Variants in FOXK2 observed in about 807,000 individuals in gnomAD.
FOXK2 encodes forkhead box protein K2.
Under a neutral mutation model 53.3 loss-of-function variants are expected in FOXK2, and 24 were observed. The observed-to-expected ratio is 0.45, with a 90% confidence interval of 0.33 to 0.63. The LOEUF (loss-of-function observed/expected upper bound fraction) is 0.63. Among genes scored for constraint, FOXK2 ranks in the 30% least tolerant of loss-of-function variants. FOXK2 has a pLI of 0.03. For missense variants in FOXK2, 952 were observed against 910.5 expected (o/e 1.05, Z -0.59); for synonymous variants, 505 against 407.1 (o/e 1.24, Z -2.89).
chr17:82,523,694 C>G (rs1009887736), intron 1 of FOXK2, among the ~76,000 whole-genome samples: 1 of 151,964 alleles, frequency 6.6e-6, no homozygotes, highest in African/African-American at 2.4e-5. Flanking sequence ...TCAGGCTGGT[C>G]TTGAACTCCT....
At chr17:82,567,777 GCCTCC>G (rs2044867893) in intron 2 of FOXK2, among the ~76,000 whole-genome samples, 1 of 148,632 alleles carries the variant, frequency 6.7e-6, no homozygotes, top group Non-Finnish European at 1.5e-5. Context: ...GTGGGCCACT[GCCTCC>G]CCTGAGAGCT....
chr17:82,539,552 G>A (rs919566331), intron 1 of FOXK2, among the ~76,000 whole-genome samples: 1 of 152,152 alleles, frequency 6.6e-6, no homozygotes, highest in Non-Finnish European at 1.5e-5. Context: ...TGGAGGCTGA[G>A]GTGGGAGGAT....
At chr17:82,525,608 C>T (rs1034562087) in intron 1 of FOXK2, among the ~76,000 whole-genome samples, 1 of 152,136 alleles carries the variant, frequency 6.6e-6, no homozygotes, top group African/African-American at 2.4e-5. Context: ...TGGTAACAAA[C>T]TAAGTATAAT....
intron 2 of FOXK2, among the ~76,000 whole-genome samples, chr17:82,565,360 A>G (rs1017711074): frequency 6.6e-6 from 1 of 152,194 alleles, no homozygotes; most frequent in Non-Finnish European, 1.5e-5. Context: ...TCAAAAGACA[A>G]CATCAGTAGT....
intron 1 of FOXK2, among the ~76,000 whole-genome samples, chr17:82,525,193 G>A (rs2044404822): frequency 6.6e-6 from 1 of 151,364 alleles, no homozygotes; most frequent in Non-Finnish European, 1.5e-5. Context: ...TTTTTGAGAT[G>A]GAATCTTGCT....
intron 8 of FOXK2, among the ~76,000 whole-genome samples, chr17:82,588,569 G>T (rs1455194606): frequency 6.6e-6 from 1 of 152,072 alleles, no homozygotes; most frequent in Non-Finnish European, 1.5e-5. Flanking sequence ...TCCCAGATTC[G>T]ATATGTGTCA....
chr17:82,519,788 C>T lies in FOXK2; in HGVS notation c.-101C>T, dbSNP rs966165630. ...CGGCGGCCTCCGCTCGGCCCCCTCC[C>T]TCAGCTCCGGTGCGCGGCGGCCGAC... On this transcript the variant is annotated 5_prime_UTR_variant, in exon 1 of 9. Coordinates refer to ENST00000335255, the MANE Select transcript of FOXK2 (RefSeq NM_004514.4). 2.8e-6 allele frequency: 1 copy of T among 356,886 alleles called. No homozygotes were observed. The highest frequency in any genetic ancestry group is 2.2e-5 in the African/African-American group (1 of 44,702). 22.1% of individuals were successfully genotyped at this position (356,886 alleles called of 1,614,324 possible). A position where few individuals can be genotyped will look rare whatever the true frequency, so the allele number is the denominator to read the frequency against.
intron 4 of FOXK2, among the ~76,000 whole-genome samples, chr17:82,572,397 G>A (rs1199383123): frequency 6.6e-6 from 1 of 152,156 alleles, no homozygotes; most frequent in Non-Finnish European, 1.5e-5. Flanking sequence ...TCTCAGCCGG[G>A]GAGCCCACCT....
rs1200515743 is a variant in FOXK2 at position 82,601,912 on chromosome 17, TTAGAG to T, written c.*416_*420del. On this transcript the variant is annotated 3_prime_UTR_variant, in exon 9 of 9. Coordinates refer to ENST00000335255, the MANE Select transcript of FOXK2 (RefSeq NM_004514.4). Reference sequence around the variant, plus strand: ...CACCAGGCAGCGGAGACATGTGGAATTAGAGTATTTTGAGGTGTCCTTTCTTTACA... The same window carrying T: ...CACCAGGCAGCGGAGACATGTGGAATTATTTTGAGGTGTCCTTTCTTTACA... 7.1e-5 allele frequency: 12 copies of T among 168,268 alleles called. No individual in the cohort carries two copies. The highest frequency in any genetic ancestry group is 5.2e-4 in the Admixed American group (9 of 17,180). The allele number at this position is 168,268 out of a possible 1,614,324, so 10.4% of individuals were successfully genotyped here. A position where few individuals can be genotyped will look rare whatever the true frequency, so the allele number is the denominator to read the frequency against.
intron 4 of FOXK2, among the ~76,000 whole-genome samples, 176 bp from the exon 5 acceptor site, chr17:82,582,565 A>G (rs955003094): frequency 1.3e-5 from 2 of 152,084 alleles, no homozygotes; most frequent in Non-Finnish European, 2.9e-5. Flanking sequence ...CCTTCCTTAA[A>G]TCTTGTTATG....
At chr17:82,525,298 T>A (rs1378900404) in intron 1 of FOXK2, among the ~76,000 whole-genome samples, 1 of 152,176 alleles carries the variant, frequency 6.6e-6, no homozygotes, top group Non-Finnish European at 1.5e-5. Flanking sequence ...TGTCTCAGCC[T>A]CCCAAGTAGC....
intron 1 of FOXK2, among the ~76,000 whole-genome samples, chr17:82,556,709 A>AT (rs367888516): frequency 0.038 from 5,673 of 150,102 alleles, 343 homozygotes; most frequent in African/African-American, 0.13. Context: ...TTTTATTTTT[A>AT]TTTTTTTTTG....
chr17:82,591,717 C>T (rs2045254517), intron 8 of FOXK2, among the ~76,000 whole-genome samples: 2 of 152,226 alleles, frequency 1.3e-5, no homozygotes, highest in South Asian at 2.1e-4. Flanking sequence ...TCCCATCACA[C>T]GTGCTGTGTA....
chr17:82,585,870 C>T (rs2045132348), intron 6 of FOXK2, 34 bp from the exon 7 acceptor site: 2 of 1,587,392 alleles, frequency 1.3e-6, no homozygotes, highest in East Asian at 2.3e-5. Context: ...AAGTCAGTAT[C>T]TGTAAGTGTC....
At chr17:82,594,495 CAAAAA>C (rs67410458) in intron 8 of FOXK2, among the ~76,000 whole-genome samples, 2 of 116,708 alleles carry the variant, frequency 1.7e-5, no homozygotes, top group Non-Finnish European at 3.6e-5. Context: ...GAGACTGTCT[CAAAAA>C]AAAAAAAAAA....
chr17:82,526,939 A>G (rs987432002), intron 1 of FOXK2, among the ~76,000 whole-genome samples: 3 of 151,962 alleles, frequency 2.0e-5, no homozygotes, highest in Non-Finnish European at 2.9e-5. Context: ...AAAGAAAACG[A>G]GATTGTGTTG....
At chr17:82,558,208 C>T (rs947649890) in intron 1 of FOXK2, among the ~76,000 whole-genome samples, 3 of 152,116 alleles carry the variant, frequency 2.0e-5, no homozygotes, top group Non-Finnish European at 2.9e-5. Flanking sequence ...AACATGGTGG[C>T]GTGTGCCTGT....
Position 82,571,839 on chromosome 17 carries a change from C to G in FOXK2, c.878C>G (p.Pro293Arg). Residue 293 changes from proline (P) to arginine (R), a missense_variant, in exon 4 of 9, where the codon CCC (proline) becomes CGC (arginine). Pro to Arg is a moderately radical substitution (Grantham distance 103). Around this residue, in one of 5 missense-constraint regions of FOXK2, gnomAD observed 160 missense variants for 214.2 expected, o/e 0.75. Transcript: ENST00000335255. ...TATACACACATCACTAAAAATTATC[C>G]CTACTACAGGACTGCGGACAAGGGC... The part of the protein sequence containing the change: ...GIYTHITKNY[P>R]YYRTADKGWQ... The G allele has an allele frequency of 6.3e-7, 1 of 1,596,728 alleles. No individual in the cohort carries two copies. Among genetic ancestry groups the G allele is most frequent in the Non-Finnish European group, 8.5e-7 (1 of 1,173,760 alleles).
chr17:82,524,112 C>T (rs2044393761), intron 1 of FOXK2, among the ~76,000 whole-genome samples: 2 of 152,034 alleles, frequency 1.3e-5, no homozygotes, highest in Admixed American at 1.3e-4. Context: ...TGGTCTCAAA[C>T]TCCTGAACTC....
Sources: allele counts gnomAD v4.1 joint callset (sites outside exome capture counted in the v4.1 genomes callset), GRCh38; gene constraint gnomAD v4.1.1; regional missense constraint gnomAD v4.1.1; transcripts MANE v1.5; gene names NCBI Gene and HGNC (gene_info 2026-07-23, HGNC 2026-07-21).